ARL6IP6: variants seen among roughly 807,000 people sequenced by gnomAD.
ARL6IP6 encodes ARF like GTPase 6 interacting protein 6.
Under a neutral mutation model 21.5 loss-of-function variants are expected in ARL6IP6, and 22 were observed. The ratio of observed to expected loss-of-function variants is 1.02; its 90% CI spans 0.73 to 1.46. The LOEUF (loss-of-function observed/expected upper bound fraction) is 1.46. Among genes scored for constraint, ARL6IP6 ranks in the 40% most tolerant of loss-of-function variants. The pLI, the probability that ARL6IP6 is intolerant of heterozygous loss-of-function variation, is 0.00. For synonymous variants in ARL6IP6, 164 were observed against 125.3 expected (o/e 1.31, Z -2.06); for missense variants, 388 against 299.8 (o/e 1.29, Z -2.17).
chr2:152,727,195 A>G (rs928887889), intron 2 of ARL6IP6, among the ~76,000 whole-genome samples: 3 of 152,150 alleles, frequency 2.0e-5, no homozygotes, highest in African/African-American at 7.2e-5. Context: ...CCTTGACCCT[A>G]TGTAGGCCTA....
chr2:152,738,048 C>A (rs1170858693), intron 3 of ARL6IP6, among the ~76,000 whole-genome samples: 1 of 151,518 alleles, frequency 6.6e-6, no homozygotes, highest in Non-Finnish European at 1.5e-5. Context: ...ACTGTAAATA[C>A]ACCCATTCCA....
intron 3 of ARL6IP6, among the ~76,000 whole-genome samples, chr2:152,739,320 C>A (rs1700701276): frequency 6.6e-6 from 1 of 152,212 alleles, no homozygotes; most frequent in East Asian, 1.9e-4. Flanking sequence ...CAAGTCAACT[C>A]TTGAGTGCTT....
intron 2 of ARL6IP6, among the ~76,000 whole-genome samples, chr2:152,728,200 A>T (rs1274134250): frequency 6.6e-6 from 1 of 152,182 alleles, no homozygotes; most frequent in East Asian, 1.9e-4. Context: ...TCATAATATA[A>T]GTATACCAGT....
chr2:152,747,071 C>A (rs1439128052), intron 3 of ARL6IP6, among the ~76,000 whole-genome samples: 2 of 152,058 alleles, frequency 1.3e-5, no homozygotes, highest in Non-Finnish European at 2.9e-5. Context: ...CTCAAGCAAT[C>A]CTCCTGGCCT....
At chr2:152,720,657 C>A in intron 2 of ARL6IP6, 71 bp downstream of exon 2, 1 of 1,339,552 alleles carries the variant, frequency 7.5e-7, no homozygotes. Context: ...TTTGAACTAA[C>A]TCTGGGATAA....
chr2:152,746,750 C>T (rs1319382238), intron 3 of ARL6IP6, among the ~76,000 whole-genome samples: 2 of 151,134 alleles, frequency 1.3e-5, no homozygotes, highest in South Asian at 4.2e-4. Flanking sequence ...GGAAGTCTGA[C>T]CATGGCCTGC....
chr2:152,751,667 C>A (rs1011070262), intron 3 of ARL6IP6, among the ~76,000 whole-genome samples: 1 of 152,124 alleles, frequency 6.6e-6, no homozygotes, highest in African/African-American at 2.4e-5. Context: ...CACTTAATGT[C>A]CCCCAGACTC....
At chr2:152,759,373 T>C (rs1023764231) in intron 3 of ARL6IP6, among the ~76,000 whole-genome samples, 24 of 152,174 alleles carry the variant, frequency 1.6e-4, no homozygotes, top group Non-Finnish European at 3.2e-4. Flanking sequence ...ACAGACAGCA[T>C]GGAAACACAC....
intron 2 of ARL6IP6, among the ~76,000 whole-genome samples, chr2:152,726,785 A>T (rs950416655): frequency 2.0e-5 from 3 of 152,184 alleles, no homozygotes; most frequent in African/African-American, 7.2e-5. Flanking sequence ...TGGAGCTGAA[A>T]AATTCCTATT....
upstream of ARL6IP6, chr2:152,718,069 C>T: frequency 3.0e-6 from 3 of 994,014 alleles, no homozygotes; most frequent in Non-Finnish European, 3.6e-6. Context: ...TGGGGAGAAC[C>T]ACACTAAAGG....
At chr2:152,759,089 G>A (rs1701714832) in intron 3 of ARL6IP6, among the ~76,000 whole-genome samples, 1 of 152,100 alleles carries the variant, frequency 6.6e-6, no homozygotes, top group African/African-American at 2.4e-5. Flanking sequence ...AAAAACTGTT[G>A]TAAGATTGTT....
intron 1 of ARL6IP6, chr2:152,719,750 GAAAAAAAA>G (rs11328553): frequency 3.1e-5 from 8 of 255,168 alleles, no homozygotes; most frequent in East Asian, 1.2e-4. Flanking sequence ...CCAAGTTACT[GAAAAAAAA>G]AAAAAAAAAA....
chr2:152,743,972 T>A (rs1700930381), intron 3 of ARL6IP6, among the ~76,000 whole-genome samples: 1 of 152,180 alleles, frequency 6.6e-6, no homozygotes, highest in South Asian at 2.1e-4. Flanking sequence ...AGTTCTTAAA[T>A]CTTCAGTTGA....
intron 2 of ARL6IP6, 114 bp downstream of exon 2, chr2:152,720,700 AG>A: frequency 2.1e-6 from 2 of 962,534 alleles, no homozygotes; most frequent in Non-Finnish European, 3.2e-6. Flanking sequence ...GCAGTCATTC[AG>A]TCTTGTTTTT....
chr2:152,734,952 G>A, intron 2 of ARL6IP6, 42 bp from the exon 3 acceptor site: 1 of 1,570,590 alleles, frequency 6.4e-7, no homozygotes, highest in Non-Finnish European at 8.7e-7. Context: ...AAATTGTTTT[G>A]GTGTTAATAA....
chr2:152,739,357 A>G (rs991038325), intron 3 of ARL6IP6, among the ~76,000 whole-genome samples: 18 of 152,160 alleles, frequency 1.2e-4, no homozygotes, highest in Non-Finnish European at 4.4e-5. Flanking sequence ...ATTCCACCAG[A>G]TACCCTAAAT....
chr2:152,735,055 G>C lies in ARL6IP6; in HGVS notation c.516G>C (p.Trp172Cys), dbSNP rs759482982. Residue 172 changes from tryptophan to cysteine, a missense_variant, in exon 3 of 4, where the codon TGG becomes TGC. By Grantham distance (215) the Trp-to-Cys change is radical. Coordinates refer to ENST00000326446, the MANE Select transcript of ARL6IP6 (RefSeq NM_152522.7). Reference sequence around the variant, plus strand: ...GATTCTCCTGTTGCAGCTTTTCTTGGACAGTGACTTACTTTGATTCTTTTG... The same window carrying C: ...GATTCTCCTGTTGCAGCTTTTCTTGCACAGTGACTTACTTTGATTCTTTTG... Reference protein sequence around the residue: ...TAGFSCCSFSWTVTYFDSFEP... With the variant: ...TAGFSCCSFSCTVTYFDSFEP... 5.6e-6 allele frequency: 9 copies of C among 1,613,286 alleles called. No homozygotes were observed. In the South Asian group the frequency reaches 9.9e-5, roughly 18 times the overall value.
At chr2:152,743,238 A>G (rs949326043) in intron 3 of ARL6IP6, among the ~76,000 whole-genome samples, 1 of 151,362 alleles carries the variant, frequency 6.6e-6, no homozygotes, top group African/African-American at 2.4e-5. Flanking sequence ...ATAGTTATTC[A>G]GTGTGCTAGA....
chr2:152,729,371 T>C (rs952856467), intron 2 of ARL6IP6, among the ~76,000 whole-genome samples: 3 of 151,716 alleles, frequency 2.0e-5, no homozygotes, highest in Non-Finnish European at 2.9e-5. Flanking sequence ...TACACACATA[T>C]ATGCACACAC....
Sources: allele counts gnomAD v4.1 joint callset (sites outside exome capture counted in the v4.1 genomes callset), GRCh38; gene constraint gnomAD v4.1.1; transcripts MANE v1.5; gene names NCBI Gene and HGNC (gene_info 2026-07-23, HGNC 2026-07-21).